MGMT: variants seen among roughly 807,000 people sequenced by gnomAD.
The protein encoded by MGMT is O-6-methylguanine-DNA methyltransferase.
A neutral mutation model predicts 15.9 loss-of-function variants in MGMT; 14 were observed. The ratio of observed to expected loss-of-function variants is 0.88; its 90% CI spans 0.58 to 1.37. The LOEUF (loss-of-function observed/expected upper bound fraction) is 1.37, where lower values mean the gene tolerates loss of function less well. MGMT is among the 40% of genes most tolerant of loss of function. The pLI is 0.00. For synonymous variants in MGMT, 130 were observed against 118.2 expected (o/e 1.10, Z -0.65); for missense variants, 282 against 268.1 (o/e 1.05, Z -0.36).
chr10:129,760,466 T>C (rs150204153), intron 4 of MGMT, among the ~76,000 whole-genome samples: 9 of 152,320 alleles, frequency 5.9e-5, no homozygotes, highest in Non-Finnish European at 1.3e-4. Context: ...GGATGGGAAA[T>C]TACTAAATCA....
chr10:129,505,674 A>T (rs1051728044), intron 1 of MGMT, among the ~76,000 whole-genome samples: 6 of 152,162 alleles, frequency 3.9e-5, no homozygotes, highest in African/African-American at 1.4e-4. Context: ...GTCAGCATGG[A>T]TATTGGTGAC....
intron 2 of MGMT, among the ~76,000 whole-genome samples, chr10:129,626,106 CTG>C (rs1482818046): frequency 6.6e-6 from 1 of 152,146 alleles, no homozygotes; most frequent in African/African-American, 2.4e-5. Context: ...GGGGCAGCCA[CTG>C]TTACTTATGG....
intron 2 of MGMT, 71 bp downstream of exon 2, chr10:129,536,448 C>G (rs966208331): frequency 2.0e-6 from 3 of 1,536,324 alleles, no homozygotes; most frequent in African/African-American, 2.8e-5. Flanking sequence ...GTGATAACGG[C>G]ATGTTTTCCA....
At chr10:129,590,725 G>A (rs764466235) in intron 2 of MGMT, among the ~76,000 whole-genome samples, 5 of 152,138 alleles carry the variant, frequency 3.3e-5, no homozygotes, top group African/African-American at 7.2e-5. Flanking sequence ...TAGGGTATAC[G>A]GGCATTTAAG....
chr10:129,703,755 G>A (rs1003410076), intron 2 of MGMT, among the ~76,000 whole-genome samples: 1 of 152,186 alleles, frequency 6.6e-6, no homozygotes, highest in African/African-American at 2.4e-5. Flanking sequence ...ACCAGCAGAG[G>A]TAGTGCAGGA....
At chr10:129,640,642 A>G (rs1456962989) in intron 2 of MGMT, among the ~76,000 whole-genome samples, 6 of 152,216 alleles carry the variant, frequency 3.9e-5, no homozygotes, top group Admixed American at 3.9e-4. Flanking sequence ...TTACCTTGAT[A>G]CCACAACCAA....
At chr10:129,759,455 G>C in intron 4 of MGMT, 114 bp downstream of exon 4, 1 of 1,499,634 alleles carries the variant, frequency 6.7e-7, no homozygotes, top group South Asian at 1.2e-5. Flanking sequence ...GGGGTGGGCA[G>C]AGGGGCGATA....
intron 1 of MGMT, among the ~76,000 whole-genome samples, chr10:129,530,591 G>A (rs565307117): frequency 3.9e-5 from 6 of 152,326 alleles, no homozygotes; most frequent in African/African-American, 1.4e-4. Flanking sequence ...TTCTCAGTGG[G>A]TTATTTCCAC....
Position 129,767,050 on chromosome 10 carries a change from G to T in MGMT, c.*53G>T. 1 of 1,452,608 alleles carries T rather than the reference G, an allele frequency of 6.9e-7. No homozygotes were observed. Among genetic ancestry groups the T allele is most frequent in the Non-Finnish European group, 9.3e-7 (1 of 1,077,538 alleles). The allele number at this position is 1,452,608 out of a possible 1,614,324, so 90.0% of individuals were successfully genotyped here. ...CGACACACACGTGTAACACTGCATC[G>T]GATGCGGGGCGTGGAGGCACCGCTG... On this transcript the variant is annotated 3_prime_UTR_variant, in exon 5 of 5. Transcript: ENST00000651593.
intron 1 of MGMT, among the ~76,000 whole-genome samples, chr10:129,511,174 C>CA (rs1845679217): frequency 6.8e-6 from 1 of 147,758 alleles, no homozygotes; most frequent in African/African-American, 2.5e-5. Context: ...ATATTAGATG[C>CA]AGGCACGTGC....
intron 1 of MGMT, among the ~76,000 whole-genome samples, chr10:129,488,603 T>C (rs1257639720): frequency 1.3e-5 from 2 of 152,224 alleles, no homozygotes; most frequent in Non-Finnish European, 2.9e-5. Context: ...TCTTTTCCTT[T>C]ATAGTTTGCA....
At chr10:129,753,858 T>C (rs1374679695) in intron 3 of MGMT, among the ~76,000 whole-genome samples, 1 of 152,220 alleles carries the variant, frequency 6.6e-6, no homozygotes, top group African/African-American at 2.4e-5. Flanking sequence ...TTGGATTGTA[T>C]CCTGGTCATT....
chr10:129,530,511 G>T (rs1024510959), intron 1 of MGMT, among the ~76,000 whole-genome samples: 5 of 152,170 alleles, frequency 3.3e-5, no homozygotes, highest in Non-Finnish European at 7.3e-5. Context: ...AACGTCTCTT[G>T]ATCGTTCCTG....
rs955574447 is a variant in MGMT at position 129,473,486 on chromosome 10, G to T, written c.-13+6190G>T. Among the ~76,000 whole-genome samples, 2 of 152,202 alleles carry T rather than the reference G, an allele frequency of 1.3e-5. 1 individual carries two copies. Among genetic ancestry groups the T allele is most frequent in the South Asian group, 4.1e-4 (2 of 4,830 alleles). ...TTGCATATGAGGAACCCGGGCCTCG[G>T]AGAGTTTGAGTGACTTGCACAGGTC... On this transcript the variant is annotated intron_variant, in intron 1 of 4. Transcript: ENST00000651593.
chr10:129,640,231 G>A (rs1200989016), intron 2 of MGMT, among the ~76,000 whole-genome samples: 1 of 151,762 alleles, frequency 6.6e-6, no homozygotes, highest in Non-Finnish European at 1.5e-5. Flanking sequence ...CTGAGTAGCT[G>A]GGACTACAGG....
chr10:129,652,233 C>G (rs1847467866), intron 2 of MGMT, among the ~76,000 whole-genome samples: 1 of 152,260 alleles, frequency 6.6e-6, no homozygotes, highest in Admixed American at 6.5e-5. Context: ...GGAGAACACT[C>G]TCCTCTCCCA....
At chr10:129,736,837 A>G (rs1848568415) in intron 3 of MGMT, among the ~76,000 whole-genome samples, 1 of 152,158 alleles carries the variant, frequency 6.6e-6, no homozygotes, top group Non-Finnish European at 1.5e-5. Context: ...TTGGCTGGAT[A>G]TGAAATTCTG....
chr10:129,538,023 G>T (rs1846004254), intron 2 of MGMT, among the ~76,000 whole-genome samples: 1 of 152,172 alleles, frequency 6.6e-6, no homozygotes, highest in Non-Finnish European at 1.5e-5. Context: ...TAAGGAAGGA[G>T]TGGGATTTGG....
At chr10:129,637,810 C>T (rs1428285536) in intron 2 of MGMT, among the ~76,000 whole-genome samples, 18 of 152,120 alleles carry the variant, frequency 1.2e-4, no homozygotes, top group African/African-American at 3.4e-4. Context: ...AAGGGGTGGC[C>T]GTCCGCAAGC....
Sources: gnomAD v4.1 joint callset for allele counts (sites outside exome capture counted in the v4.1 genomes callset) on GRCh38, gnomAD v4.1.1 for gene constraint, MANE v1.5 for transcripts, NCBI Gene and HGNC (gene_info 2026-07-23, HGNC 2026-07-21) for gene names.